The following EDARADD variants were observed in gnomAD, a reference collection of about 807,000 sequenced individuals.
EDARADD encodes the protein EDAR associated via death domain, also known as ectodysplasin-A receptor-associated adapter protein.
In EDARADD, 20 loss-of-function variants were observed where a neutral mutation model predicts 25.6. The ratio of observed to expected loss-of-function variants is 0.78; its 90% CI spans 0.55 to 1.14. The LOEUF (loss-of-function observed/expected upper bound fraction) is 1.14. EDARADD is among the 50% of genes most tolerant of loss of function. The pLI, the probability that EDARADD is intolerant of heterozygous loss-of-function variation, is 0.00. For missense variants in EDARADD, 225 were observed against 270.1 expected (o/e 0.83, Z 1.17); for synonymous variants, 86 against 94.4 (o/e 0.91, Z 0.52).
chr1:236,381,607 A>G (rs1210683274), intron 3 of EDARADD, among the ~76,000 whole-genome samples: 2 of 151,874 alleles, frequency 1.3e-5, no homozygotes, highest in African/African-American at 2.4e-5. Context: ...CATTGTTACT[A>G]TTTTGATTTA....
intron 3 of EDARADD, among the ~76,000 whole-genome samples, chr1:236,372,973 T>C (rs1245999762): frequency 7.1e-6 from 1 of 140,460 alleles, no homozygotes; most frequent in East Asian, 2.3e-4. Context: ...TGGAGTGCAG[T>C]GGTGCGATCT....
chr1:236,475,695 C>T (rs1350377215), intron 5 of EDARADD, among the ~76,000 whole-genome samples: 1 of 151,606 alleles, frequency 6.6e-6, no homozygotes, highest in African/African-American at 2.4e-5. Flanking sequence ...ACCCAGGAGT[C>T]GGAGGTTGCA....
At chr1:236,353,350 T>G (rs1408656058) in intron 3 of EDARADD, among the ~76,000 whole-genome samples, 1 of 152,178 alleles carries the variant, frequency 6.6e-6, no homozygotes, top group African/African-American at 2.4e-5. Context: ...ACACCCACTG[T>G]GCATGAGGTG....
intron 1 of EDARADD, among the ~76,000 whole-genome samples, chr1:236,405,822 T>TTTCCTTCCTTCCTTCCTTCCTTCC (rs780077696): frequency 3.6e-5 from 2 of 55,392 alleles, no homozygotes; most frequent in African/African-American, 1.6e-4. Flanking sequence ...CCTTCCTTCC[T>TTTCCTTCCTTCCTTCCTTCCTTCC]TTCCTTCCTT....
intron 5 of EDARADD, among the ~76,000 whole-genome samples, chr1:236,481,986 G>A (rs1460487136): frequency 3.3e-5 from 5 of 150,564 alleles, no homozygotes; most frequent in African/African-American, 1.2e-4. Context: ...AGTGGCGGGT[G>A]CCTATAGTCC....
In EDARADD at chr1:236,483,021, C is replaced by T; in HGVS notation, c.*372C>T. 1 of 631,628 alleles carries T rather than the reference C, an allele frequency of 1.6e-6. No homozygotes were observed. The highest frequency in any genetic ancestry group is 2.8e-6 in the Non-Finnish European group (1 of 362,546). 39.1% of individuals were successfully genotyped at this position (631,628 alleles called of 1,614,324 possible). A position where few individuals can be genotyped will look rare whatever the true frequency, so the allele number is the denominator to read the frequency against. On this transcript the variant is annotated 3_prime_UTR_variant, in exon 6 of 6. Transcript: ENST00000334232. ...GACTGTTGATAGCCCCAGACATACC[C>T]ACAGCATTATATGTAACATCTCTCC... is the stretch of plus-strand genomic sequence containing the variant.
intron 1 of EDARADD, among the ~76,000 whole-genome samples, chr1:236,405,765 C>CT (rs1558112351): frequency 1.5e-5 from 1 of 65,136 alleles, no homozygotes; most frequent in East Asian, 2.6e-4. Flanking sequence ...TTCTTTCTTT[C>CT]TTTCTTTCTT....
chr1:236,422,835 G>A (rs574176908), intron 3 of EDARADD, among the ~76,000 whole-genome samples: 1 of 152,298 alleles, frequency 6.6e-6, no homozygotes, highest in South Asian at 2.1e-4. Context: ...GTATCAAGGA[G>A]GCCTTGGTAA....
At chr1:236,432,937 A>AAAG (rs1553267671) in intron 4 of EDARADD, among the ~76,000 whole-genome samples, 2 of 151,418 alleles carry the variant, frequency 1.3e-5, no homozygotes, top group African/African-American at 2.4e-5. Flanking sequence ...CAAAAAAAAA[A>AAAG]AAAGAAAGAA....
chr1:236,450,166 G>A (rs1227648918), intron 4 of EDARADD, among the ~76,000 whole-genome samples: 4 of 152,008 alleles, frequency 2.6e-5, no homozygotes, highest in Non-Finnish European at 2.9e-5. Context: ...GTGTGGTGGT[G>A]CAAGTCTGTA....
At chr1:236,478,711 T>A (rs1335439070) in intron 5 of EDARADD, among the ~76,000 whole-genome samples, 1 of 152,074 alleles carries the variant, frequency 6.6e-6, no homozygotes. Context: ...CTCAGCCTCC[T>A]GAGTAGCTGG....
At chr1:236,447,791 G>T (rs1330012427) in intron 4 of EDARADD, among the ~76,000 whole-genome samples, 1 of 151,766 alleles carries the variant, frequency 6.6e-6, no homozygotes, top group Non-Finnish European at 1.5e-5. Flanking sequence ...TAAACCAATG[G>T]TTCTGGTCCT....
intron 1 of EDARADD, among the ~76,000 whole-genome samples, chr1:236,402,978 CAGAG>C (rs1667641794): frequency 6.6e-6 from 1 of 151,830 alleles, no homozygotes; most frequent in Admixed American, 6.6e-5. Context: ...TTTTTTGAGA[CAGAG>C]TCTTGCTCTG....
chr1:236,414,234 T>C (rs2103010284), intron 2 of EDARADD, 26 bp from the exon 3 acceptor site: 1 of 1,595,574 alleles, frequency 6.3e-7, no homozygotes, highest in Non-Finnish European at 8.6e-7. Context: ...TTAAAAATAA[T>C]TCTCCTCTTT....
At chr1:236,361,080 T>C (rs585537) in intron 3 of EDARADD, among the ~76,000 whole-genome samples, 36,148 of 152,072 alleles carry the variant, frequency 0.24, 4,438 homozygotes, top group East Asian at 0.38. Flanking sequence ...GACATACAGT[T>C]GACACACAAC....
At chr1:236,375,710 G>C (rs1376378001) in intron 3 of EDARADD, among the ~76,000 whole-genome samples, 2 of 144,520 alleles carry the variant, frequency 1.4e-5, no homozygotes, top group East Asian at 4.1e-4. Flanking sequence ...AACATTGCAA[G>C]ACCCTGTTTC....
chr1:236,383,369 T>A (rs1667322078), intron 3 of EDARADD, among the ~76,000 whole-genome samples: 1 of 131,726 alleles, frequency 7.6e-6, no homozygotes, highest in African/African-American at 2.8e-5. Context: ...CACTACAGCC[T>A]GGGCAAGACT....
At chr1:236,405,921 CTTTCTCTTTCCT>C (rs1667724624) in intron 1 of EDARADD, among the ~76,000 whole-genome samples, 2 of 51,604 alleles carry the variant, frequency 3.9e-5, no homozygotes, top group South Asian at 6.5e-4. Flanking sequence ...TTCTTTCTTT[CTTTCTCTTTCCT>C]TTTTTTTTTC....
chr1:236,411,820 G>A (rs567672956), intron 2 of EDARADD, among the ~76,000 whole-genome samples: 37 of 152,242 alleles, frequency 2.4e-4, no homozygotes, highest in African/African-American at 8.9e-4. Flanking sequence ...CAAAGTGCTG[G>A]GATTACAGGC....
Sources: gnomAD v4.1 joint callset for allele counts (sites outside exome capture counted in the v4.1 genomes callset) on GRCh38, gnomAD v4.1.1 for gene constraint, MANE v1.5 for transcripts, NCBI Gene and HGNC (gene_info 2026-07-23, HGNC 2026-07-21) for gene names.